Variants in C1orf198 observed in about 807,000 individuals in gnomAD.
C1orf198 encodes uncharacterized protein C1orf198.
C1orf198 carries 17 observed loss-of-function variants against 31.4 expected under a neutral mutation model. The ratio of observed to expected loss-of-function variants is 0.54; its 90% CI spans 0.37 to 0.81. The LOEUF (loss-of-function observed/expected upper bound fraction) is 0.81, where lower values mean the gene tolerates loss of function less well. Among genes scored for constraint, C1orf198 ranks in the 40% least tolerant of loss-of-function variants. C1orf198 has a pLI of 0.00. For missense variants in C1orf198, 401 were observed against 450.3 expected (o/e 0.89, Z 0.99); for synonymous variants, 175 against 193.8 (o/e 0.90, Z 0.81).
At chr1:230,856,010 A>T (rs1669861227) in intron 1 of C1orf198, 1 of 1,182,432 alleles carries the variant, frequency 8.5e-7, no homozygotes, top group South Asian at 3.7e-5. Context: ...GTAGGAGTGG[A>T]TGAGGGCTTG....
rs114652630 is a variant in C1orf198 at position 230,843,818 on chromosome 1, G to A, written c.463C>T (p.Leu155=). ...TGGGAGCCCTGGGAAGCTTTGGACA[G>A]TGGTCTGGGCTCGCTGGCGGCGGTG... is the stretch of plus-strand genomic sequence containing the variant. ...NGTAASEPRP[L]SKASQGSQAL... Residue 155 remains leucine, a synonymous_variant, in exon 3 of 4, where the codon CTG becomes TTG. Coordinates refer to ENST00000366663, the MANE Select transcript of C1orf198 (RefSeq NM_032800.3). This position sits in a 1 kb window ranked among gnomAD's most constrained non-coding sequence, Gnocchi z 4.9. 720 of 1,591,604 alleles carry A rather than the reference G, an allele frequency of 4.5e-4. 4 individuals carry two copies. The African/African-American group carries it at 8.7e-3, about 19-fold the overall frequency.
rs189009637 is a variant in C1orf198 at position 230,857,823 on chromosome 1, A to C, written c.334-2105T>G. Among the ~76,000 whole-genome samples, 3 of 152,246 alleles carry C rather than the reference A, an allele frequency of 2.0e-5. No individual in the cohort carries two copies. Among genetic ancestry groups the C allele is most frequent in the Non-Finnish European group, 2.9e-5 (2 of 68,042 alleles). ...TACAAACTGGGTTAAGCTGCATTAA[A>C]GTGTATCAAACAGTCAGTTCTGAGA... is the stretch of plus-strand genomic sequence containing the variant. On this transcript the variant is annotated intron_variant, in intron 1 of 3. Transcript: ENST00000366663. The surrounding 1 kb of genome is among the most constrained non-coding windows in gnomAD (Gnocchi z 4.2).
chr1:230,839,846 TAC>T lies in C1orf198; in HGVS notation c.*4_*5del. 6.2e-7 allele frequency: 1 copy of T among 1,611,032 alleles called. No homozygotes were observed. Among genetic ancestry groups the T allele is most frequent in the Non-Finnish European group, 8.5e-7 (1 of 1,178,690 alleles). On this transcript the variant is annotated 3_prime_UTR_variant, in exon 4 of 4. Transcript: ENST00000366663. ...AGGGTTCTTCATTGTATTTTTCTAA[TAC>T]ATTTTACCAATTGTCCAGAAAATCA...
chr1:230,853,303 T>TCTCC (rs903152968), intron 2 of C1orf198, among the ~76,000 whole-genome samples: 1 of 152,098 alleles, frequency 6.6e-6, no homozygotes, highest in African/African-American at 2.4e-5. Context: ...GGGGTCCAAG[T>TCTCC]CTCCCTCCAG....
At position 230,866,114 on chromosome 1, in the gene C1orf198, C is replaced by T. The variant is rs145579599; in HGVS notation, c.333+2066G>A. 8.2e-3 allele frequency among the ~76,000 whole-genome samples: 1,252 copies of T among 152,312 alleles called. 10 individuals are homozygous for T. Among genetic ancestry groups the T allele is most frequent in the Non-Finnish European group, 0.014 (940 of 68,024 alleles). On this transcript the variant is annotated intron_variant, in intron 1 of 3. Coordinates refer to ENST00000366663, the MANE Select transcript of C1orf198 (RefSeq NM_032800.3). ...CCTGTCCTTATCCATCATCCCTGTG[C>T]CCAGGAGCTGGCCCTCCTCCATGAA...
At position 230,843,993 on chromosome 1, in the gene C1orf198, G is replaced by A; in HGVS notation, c.385-97C>T. The A allele has an allele frequency of 7.9e-7, 1 of 1,265,750 alleles. No homozygotes were observed. Among genetic ancestry groups the A allele is most frequent in the African/African-American group, 1.5e-5 (1 of 66,924 alleles). The allele number at this position is 1,265,750 out of a possible 1,614,324, so 78.4% of individuals were successfully genotyped here. On this transcript the variant is annotated intron_variant, in intron 2 of 3. Coordinates refer to ENST00000366663, the MANE Select transcript of C1orf198 (RefSeq NM_032800.3). This position sits in a 1 kb window ranked among gnomAD's most constrained non-coding sequence, Gnocchi z 4.9. ...CTCACGCACCCCTCCTCAGCATAAG[G>A]ACGCACACCAGCCACACACGAGTTG...
At chr1:230,862,294 G>A (rs940940547) in intron 1 of C1orf198, among the ~76,000 whole-genome samples, 2 of 152,206 alleles carry the variant, frequency 1.3e-5, no homozygotes, top group Non-Finnish European at 2.9e-5. Context: ...ATGCACAACT[G>A]TGCTTCTGCT....
chr1:230,843,765 C>T lies in C1orf198; in HGVS notation c.516G>A (p.Arg172=), dbSNP rs200717843. 15 of 1,613,408 alleles carry T rather than the reference C, an allele frequency of 9.3e-6. No individual in the cohort carries two copies. In the South Asian group the frequency reaches 1.3e-4, roughly 14 times the overall value. The change falls in exon 3 of 4, where the codon AGG becomes AGA. Residue 172 remains arginine (R), a synonymous_variant. Coordinates refer to ENST00000366663, the MANE Select transcript of C1orf198 (RefSeq NM_032800.3). This position sits in a 1 kb window ranked among gnomAD's most constrained non-coding sequence, Gnocchi z 4.9. The part of the protein sequence containing the change: ...SQALKSSQGS[R]SSSLDALGPT... ...GGCCCAGGGCGTCCAGGCTGGAGGACCTGCTGCCTTGGGAGGACTTGAGGG... is the reference window on the plus strand; with the variant it reads ...GGCCCAGGGCGTCCAGGCTGGAGGATCTGCTGCCTTGGGAGGACTTGAGGG...
Position 230,857,020 on chromosome 1 carries a change from G to A in C1orf198, c.334-1302C>T, listed in dbSNP as rs1027118063. Among the ~76,000 whole-genome samples the A allele has an allele frequency of 2.0e-5, 3 of 152,172 alleles. No individual in the cohort carries two copies. Among genetic ancestry groups the A allele is most frequent in the African/African-American group, 4.8e-5 (2 of 41,432 alleles). ...ACTGGGGGCAAATGCCAGGGCCCAC[G>A]CAGGGGGAGTGCCTCACCAACACAT... On this transcript the variant is annotated intron_variant, in intron 1 of 3. Coordinates refer to ENST00000366663, the MANE Select transcript of C1orf198 (RefSeq NM_032800.3). This position sits in a 1 kb window ranked among gnomAD's most constrained non-coding sequence, Gnocchi z 4.2.
intron 1 of C1orf198, among the ~76,000 whole-genome samples, chr1:230,859,659 A>G (rs535627297): frequency 6.6e-6 from 1 of 152,298 alleles, no homozygotes; most frequent in South Asian, 2.1e-4. Flanking sequence ...ATCAGAGGCC[A>G]GCGCTACATG....
intron 1 of C1orf198, among the ~76,000 whole-genome samples, chr1:230,856,760 TA>T (rs1572136328): frequency 6.6e-6 from 1 of 152,278 alleles, no homozygotes; most frequent in East Asian, 1.9e-4. Context: ...TAAAATGGGA[TA>T]AAATATTTTA....
Position 230,837,313 on chromosome 1 carries a change from G to T in C1orf198, c.*2539C>A, listed in dbSNP as rs1047495361. The stretch of plus-strand genomic sequence containing the variant: ...GACAGACCCCCGCTGTTCCCAGTAG[G>T]GCAGCACCCCCAAACCCAGGGGGCC... On this transcript the variant is annotated 3_prime_UTR_variant, in exon 4 of 4. Coordinates refer to ENST00000366663, the MANE Select transcript of C1orf198 (RefSeq NM_032800.3). The T allele has an allele frequency of 1.3e-5, 2 of 152,558 alleles. No individual in the cohort carries two copies. Among genetic ancestry groups the T allele is most frequent in the African/African-American group, 4.8e-5 (2 of 41,430 alleles). 9.5% of individuals were successfully genotyped at this position (152,558 alleles called of 1,614,324 possible).
At chr1:230,854,127 T>A (rs1030475101) in intron 2 of C1orf198, among the ~76,000 whole-genome samples, 12 of 152,192 alleles carry the variant, frequency 7.9e-5, no homozygotes, top group African/African-American at 2.9e-4. Flanking sequence ...TAGGACACTT[T>A]AACTATTTTT....
At chr1:230,855,834 TA>T in intron 1 of C1orf198, 116 bp from the exon 2 acceptor site, 3 of 1,504,986 alleles carry the variant, frequency 2.0e-6, no homozygotes, top group Non-Finnish European at 2.7e-6. Flanking sequence ...CTCCTGGCTC[TA>T]AACAAGCCTG....
intron 1 of C1orf198, 132 bp downstream of exon 1, chr1:230,868,048 C>CCCCCCCCAA: frequency 3.1e-6 from 3 of 977,838 alleles, no homozygotes; most frequent in Non-Finnish European, 4.1e-6. Flanking sequence ...CCCTCCCACC[C>CCCCCCCCAA]ACTGCCATTC....
chr1:230,844,959 C>T (rs1448371437), intron 2 of C1orf198, among the ~76,000 whole-genome samples: 1 of 152,164 alleles, frequency 6.6e-6, no homozygotes, highest in East Asian at 1.9e-4. Context: ...ATGTTGTCTT[C>T]CAAGCTCTGC....
chr1:230,843,554 C>T lies in C1orf198; in HGVS notation c.727G>A (p.Glu243Lys). Residue 243 changes from glutamate to lysine, a missense_variant, in exon 3 of 4, where the codon GAA becomes AAA. Physicochemically the swap from Glu to Lys is moderately conservative, Grantham distance 56 (BLOSUM62 1). Transcript: ENST00000366663. The surrounding 1 kb of genome is among the most constrained non-coding windows in gnomAD (Gnocchi z 4.9). ...TCCTGACGGAGGGTGCTGGGCCTTT[C>T]CACCTTGGCCTCCCTGTCCTTCGGG... ...PAPKDREAKVERPSTLRQEQR... is the reference protein window; with the variant it reads ...PAPKDREAKVKRPSTLRQEQR... 6.2e-7 allele frequency: 1 copy of T among 1,613,616 alleles called. No individual in the cohort carries two copies. The highest frequency in any genetic ancestry group is 8.5e-7 in the Non-Finnish European group (1 of 1,179,676).
intron 1 of C1orf198, among the ~76,000 whole-genome samples, chr1:230,861,335 T>C (rs978328380): frequency 2.0e-5 from 3 of 152,232 alleles, no homozygotes; most frequent in African/African-American, 7.2e-5. Context: ...CTCTCTGTAC[T>C]TTCCGCTCAA....
At position 230,851,500 on chromosome 1, in the gene C1orf198, T is replaced by G. The variant is rs112522481; in HGVS notation, c.384+4168A>C. 2.9e-3 allele frequency among the ~76,000 whole-genome samples: 441 copies of G among 152,358 alleles called. 2 individuals carry two copies. Among genetic ancestry groups the G allele is most frequent in the African/African-American group, 0.01 (424 of 41,594 alleles). On this transcript the variant is annotated intron_variant, in intron 2 of 3. Coordinates refer to ENST00000366663, the MANE Select transcript of C1orf198 (RefSeq NM_032800.3). ...CCTCTCTCCACTCCCTGCCTCCTCCTGTCTGGAGCCTTCTAAGTGCTGAGT... is the reference window on the plus strand; with the variant it reads ...CCTCTCTCCACTCCCTGCCTCCTCCGGTCTGGAGCCTTCTAAGTGCTGAGT...
Sources: allele counts gnomAD v4.1 joint callset (sites outside exome capture counted in the v4.1 genomes callset), GRCh38; gene constraint gnomAD v4.1.1; non-coding constraint Gnocchi (gnomAD v3.1); transcripts MANE v1.5; gene names NCBI Gene and HGNC (gene_info 2026-07-23, HGNC 2026-07-21).